The following CASP14 variants were observed in gnomAD, a reference collection of about 807,000 sequenced individuals.
CASP14 encodes caspase-14.
A neutral mutation model predicts 28.4 loss-of-function variants in CASP14; 27 were observed. The ratio of observed to expected loss-of-function variants is 0.95; its 90% CI spans 0.70 to 1.31. The LOEUF is 1.31. Among genes scored for constraint, CASP14 ranks in the 50% most tolerant of loss-of-function variants. The pLI is 0.00. For synonymous variants in CASP14, 115 were observed against 118.6 expected (o/e 0.97, Z 0.20); for missense variants, 323 against 312.8 (o/e 1.03, Z -0.25).
intron 4 of CASP14, among the ~76,000 whole-genome samples, chr19:15,054,728 C>T (rs1290324539): frequency 6.6e-6 from 1 of 151,676 alleles, no homozygotes; most frequent in East Asian, 1.9e-4. Context: ...GCAACCCCCA[C>T]CTCCCAGGTT....
rs556650093 is a variant in CASP14, at chr19:15,057,160, A to G, written c.*1071A>G. 2 of 151,694 alleles carry G rather than the reference A, an allele frequency of 1.3e-5. No individual in the cohort carries two copies. The highest frequency in any genetic ancestry group is 2.4e-5 in the African/African-American group (1 of 41,326). 9.4% of individuals were successfully genotyped at this position (151,694 alleles called of 1,614,324 possible). A position where few individuals can be genotyped will look rare whatever the true frequency, so the allele number is the denominator to read the frequency against. On this transcript the variant is annotated 3_prime_UTR_variant, in exon 7 of 7. Coordinates refer to ENST00000427043, the MANE Select transcript of CASP14 (RefSeq NM_012114.3). ...GTCAGATCGGCTTCACTATCTTCCA[A>G]CTCTACAGCCTGTATCTCTCCATCC...
intron 6 of CASP14, 86 bp downstream of exon 6, chr19:15,055,619 C>T: frequency 1.2e-6 from 1 of 849,632 alleles, no homozygotes; most frequent in Non-Finnish European, 1.9e-6. Context: ...TAACCCCTCT[C>T]CATTTCCCTC....
At position 15,053,755 on chromosome 19, in the gene CASP14, A is replaced by G. The variant is rs776787270; in HGVS notation, c.200A>G (p.Lys67Arg). The G allele has an allele frequency of 6.2e-7, 1 of 1,613,516 alleles. No individual in the cohort carries two copies. Among genetic ancestry groups the G allele is most frequent in the African/African-American group, 1.3e-5 (1 of 74,894 alleles). ...TAEQFQEELE[K>R]FQQAIDSRED... Reference sequence around the variant, plus strand: ...CAGCAATTCCAGGAAGAGCTGGAAAAATTCCAGCAGGCCATCGATTCCCGG... The same window carrying G: ...CAGCAATTCCAGGAAGAGCTGGAAAGATTCCAGCAGGCCATCGATTCCCGG... The change falls in exon 4 of 7, where the codon AAA (lysine) becomes AGA (arginine). Residue 67 changes from lysine to arginine, a missense_variant. Lys to Arg is a conservative substitution (Grantham distance 26, BLOSUM62 2). Transcript: ENST00000427043.
rs1321178875 is a variant in CASP14, at chr19:15,053,888, C to G, written c.333C>G (p.Ala111=). 2 of 1,613,950 alleles carry G rather than the reference C, an allele frequency of 1.2e-6. No homozygotes were observed. The highest frequency in any genetic ancestry group is 1.7e-6 in the Non-Finnish European group (2 of 1,180,014). The change falls in exon 4 of 7, where the codon GCC becomes GCG. Residue 111 remains alanine, a synonymous_variant. Transcript: ENST00000427043. ...EMVKLENLFE[A]LNNKNCQALR... Reference sequence around the variant, plus strand: ...TCAAGCTGGAGAATCTCTTCGAGGCCCTGAACAACAAGAACTGCCAGGCCC... The same window carrying G: ...TCAAGCTGGAGAATCTCTTCGAGGCGCTGAACAACAAGAACTGCCAGGCCC...
In CASP14 at chr19:15,055,095, C is replaced by T; in HGVS notation, c.404-63C>T. 8 of 1,326,036 alleles carry T rather than the reference C, an allele frequency of 6.0e-6. No homozygotes were observed. In the South Asian group the frequency reaches 9.6e-5, roughly 16 times the overall value. The allele number at this position is 1,326,036 out of a possible 1,614,324, so 82.1% of individuals were successfully genotyped here. ...ACTGGGAATACAGGTGTGAGCCACC[C>T]TGCCCAGCCCCTTTCCTTACCTTTC... On this transcript the variant is annotated intron_variant, in intron 4 of 6. Transcript: ENST00000427043.
rs1247672661 is a variant in CASP14 at position 15,050,486 on chromosome 19, GTGGATGGATTGA to G, written c.-47+851_-47+862del. Among the ~76,000 whole-genome samples the G allele has an allele frequency of 7.7e-5, 11 of 143,606 alleles. No homozygotes were observed. In the East Asian group the frequency reaches 1.9e-3, roughly 24 times the overall value. 94.2% of individuals were successfully genotyped at this position (143,606 alleles called of 152,430 possible). On this transcript the variant is annotated intron_variant, in intron 1 of 6. Coordinates refer to ENST00000427043, the MANE Select transcript of CASP14 (RefSeq NM_012114.3). Reference sequence around the variant, plus strand: ...ATTTGCTGGGTAGGTGGGTGGGTGGGTGGATGGATTGATGGATGGATGGATGGATGGGTGGGT... The same window carrying G: ...ATTTGCTGGGTAGGTGGGTGGGTGGGTGGATGGATGGATGGATGGGTGGGT...
chr19:15,052,452 T>C (rs1397205532), intron 2 of CASP14, among the ~76,000 whole-genome samples, 174 bp downstream of exon 2: 1 of 152,150 alleles, frequency 6.6e-6, no homozygotes, highest in Non-Finnish European at 1.5e-5. Context: ...GAACCGAAGT[T>C]GGGTTGGGTG....
At chr19:15,050,939 T>C (rs913117327) in intron 1 of CASP14, among the ~76,000 whole-genome samples, 14 of 151,746 alleles carry the variant, frequency 9.2e-5, no homozygotes, top group African/African-American at 3.4e-4. Context: ...GATGACTAGA[T>C]AGATGTGCGG....
intron 4 of CASP14, 55 bp from the exon 5 acceptor site, chr19:15,055,103 C>A: frequency 7.1e-7 from 1 of 1,404,386 alleles, no homozygotes; most frequent in Non-Finnish European, 1.0e-6. Context: ...CCCTGCCCAG[C>A]CCCTTTCCTT....
chr19:15,051,896 C>T (rs1426189114), intron 1 of CASP14, among the ~76,000 whole-genome samples: 1 of 152,044 alleles, frequency 6.6e-6, no homozygotes, highest in African/African-American at 2.4e-5. Flanking sequence ...GTTCAGTCCA[C>T]CAGAAGCTGG....
chr19:15,050,947 C>T lies in CASP14; in HGVS notation c.-46-1259C>T, dbSNP rs145035220. Among the ~76,000 whole-genome samples, 1,229 of 149,640 alleles carry T rather than the reference C, an allele frequency of 8.2e-3. 13 individuals are homozygous for T. Among genetic ancestry groups the T allele is most frequent in the African/African-American group, 0.028 (1,141 of 40,664 alleles). On this transcript the variant is annotated intron_variant, in intron 1 of 6. Coordinates refer to ENST00000427043, the MANE Select transcript of CASP14 (RefSeq NM_012114.3). ...ATTGATGGATGACTAGATAGATGTG[C>T]GGGTGGAAGGATGGGTGGATGGGAT...
At position 15,055,466 on chromosome 19, in the gene CASP14, G is replaced by C. The variant is rs2046112369; in HGVS notation, c.557G>C (p.Cys186Ser). ...IAYRHDQKGSCFIQTLVDVFT... is the reference protein window; with the variant it reads ...IAYRHDQKGSSFIQTLVDVFT... ...TACCGACATGATCAGAAAGGCTCAT[G>C]CTTTATCCAGACCCTGGTGGATGTG... Residue 186 changes from cysteine to serine, a missense_variant, in exon 6 of 7, where the codon TGC (cysteine) becomes TCC (serine). Cys to Ser is a moderately radical substitution (Grantham distance 112). Coordinates refer to ENST00000427043, the MANE Select transcript of CASP14 (RefSeq NM_012114.3). 1 of 1,613,976 alleles carries C rather than the reference G, an allele frequency of 6.2e-7. No homozygotes were observed. Among genetic ancestry groups the C allele is most frequent in the Non-Finnish European group, 8.5e-7 (1 of 1,180,004 alleles).
chr19:15,054,960 G>A (rs1201602678), intron 4 of CASP14, 198 bp from the exon 5 acceptor site: 1 of 552,796 alleles, frequency 1.8e-6, no homozygotes. Context: ...CTTTTTAAGA[G>A]GCGACATCTC....
At position 15,056,787 on chromosome 19, in the gene CASP14, A is replaced by C. The variant is rs1341649491; in HGVS notation, c.*698A>C. 1 of 152,288 alleles carries C rather than the reference A, an allele frequency of 6.6e-6. No individual in the cohort carries two copies. 9.4% of individuals were successfully genotyped at this position (152,288 alleles called of 1,614,324 possible). On this transcript the variant is annotated 3_prime_UTR_variant, in exon 7 of 7. Coordinates refer to ENST00000427043, the MANE Select transcript of CASP14 (RefSeq NM_012114.3). ...AATCCATCTATTCAACTATTCTTGCATTCAATTACTCTAAATGAGAGCGTG... is the reference window on the plus strand; with the variant it reads ...AATCCATCTATTCAACTATTCTTGCCTTCAATTACTCTAAATGAGAGCGTG...
chr19:15,053,561 T>G lies in CASP14; in HGVS notation c.107T>G (p.Leu36Arg). 1 of 1,614,158 alleles carries G rather than the reference T, an allele frequency of 6.2e-7. No individual in the cohort carries two copies. Among genetic ancestry groups the G allele is most frequent in the Non-Finnish European group, 8.5e-7 (1 of 1,180,030 alleles). ...TKAREGSEED[L>R]DALEHMFRQL... ...GCCCGGGAAGGTTCCGAAGAAGACC[T>G]GGATGCTCTGGAACACATGTTTCGG... Residue 36 changes from leucine (L) to arginine (R), a missense_variant, in exon 3 of 7, where the codon CTG becomes CGG. Leu to Arg is a moderately radical substitution (Grantham distance 102). Transcript: ENST00000427043.
intron 4 of CASP14, chr19:15,054,778 T>A (rs922449778): frequency 2.4e-5 from 4 of 166,548 alleles, no homozygotes; most frequent in Non-Finnish European, 2.6e-5. Flanking sequence ...GTAGCTGGGA[T>A]TACAGGTGCA....
At position 15,052,293 on chromosome 19, in the gene CASP14, G is replaced by A. The variant is rs1402366089; in HGVS notation, c.27+15G>A. On this transcript the variant is annotated intron_variant, in intron 2 of 6. Transcript: ENST00000427043. Reference sequence around the variant, plus strand: ...CTTTGGAAGAGGTAGGCTGGGTGCAGGTTGAGGGGAGGGTGATCATCTGGG... The same window carrying A: ...CTTTGGAAGAGGTAGGCTGGGTGCAAGTTGAGGGGAGGGTGATCATCTGGG... 1.9e-6 allele frequency: 3 copies of A among 1,579,734 alleles called. No homozygotes were observed. The highest frequency in any genetic ancestry group is 1.7e-6 in the Non-Finnish European group (2 of 1,165,562).
In CASP14 at chr19:15,053,584, C is replaced by T. The variant is rs61731993; in HGVS notation, c.130C>T (p.Arg44Trp). The change falls in exon 3 of 7, where the codon CGG (arginine) becomes TGG (tryptophan). Residue 44 changes from arginine to tryptophan, a missense_variant. Arg to Trp is a moderately radical substitution (Grantham distance 101). Transcript: ENST00000427043. ...EDLDALEHMFRQLRFESTMKR... is the reference protein window; with the variant it reads ...EDLDALEHMFWQLRFESTMKR... ...CCTGGATGCTCTGGAACACATGTTT[C>T]GGCAGCTGAGATTCGAAAGCACCAT... 5.9e-4 allele frequency: 948 copies of T among 1,614,108 alleles called. 9 individuals carry two copies. In the South Asian group the frequency reaches 8.7e-3, roughly 15 times the overall value.
chr19:15,054,624 A>G (rs1402035312), intron 4 of CASP14, among the ~76,000 whole-genome samples: 2 of 148,878 alleles, frequency 1.3e-5, no homozygotes, highest in East Asian at 4.0e-4. Flanking sequence ...TGCACATGGC[A>G]TACCACAAAA....
Sources: gnomAD v4.1 joint callset for allele counts (sites outside exome capture counted in the v4.1 genomes callset) on GRCh38, gnomAD v4.1.1 for gene constraint, MANE v1.5 for transcripts, NCBI Gene and HGNC (gene_info 2026-07-23, HGNC 2026-07-21) for gene names.